The following NALF1 variants were observed in gnomAD, a reference collection of about 807,000 sequenced individuals.
NALF1 encodes family with sequence similarity 155 member A.
NALF1 carries 3 observed loss-of-function variants against 48.4 expected under a neutral mutation model. The ratio of observed to expected loss-of-function variants is 0.06; its 90% CI spans 0.03 to 0.16. The LOEUF (loss-of-function observed/expected upper bound fraction) is 0.16, where lower values mean the gene tolerates loss of function less well. Ranked by LOEUF, NALF1 falls within the 10% of genes least tolerant of loss-of-function variation. The pLI, the probability that NALF1 is intolerant of heterozygous loss-of-function variation, is 1.00. For missense variants in NALF1, 526 were observed against 571.5 expected (o/e 0.92, Z 0.81); for synonymous variants, 262 against 245.7 (o/e 1.07, Z -0.62).
chr13:107,464,282 T>A (rs1454642238), intron 1 of NALF1, among the ~76,000 whole-genome samples: 3 of 152,084 alleles, frequency 2.0e-5, no homozygotes, highest in African/African-American at 7.2e-5. Context: ...CAATAAAAGT[T>A]TGCTGTTACT....
chr13:107,364,440 A>G (rs1393373583), intron 1 of NALF1, among the ~76,000 whole-genome samples: 1 of 152,222 alleles, frequency 6.6e-6, no homozygotes, highest in Admixed American at 6.5e-5. Flanking sequence ...AAACACTGGC[A>G]GTGACATCGT....
chr13:107,304,970 A>G (rs1233492276), intron 1 of NALF1, among the ~76,000 whole-genome samples: 1 of 152,268 alleles, frequency 6.6e-6, no homozygotes, highest in East Asian at 1.9e-4. Context: ...AATGACAATA[A>G]CCAAATGAGG....
chr13:107,775,074 C>CT (rs1877686090), intron 1 of NALF1, among the ~76,000 whole-genome samples: 1 of 152,278 alleles, frequency 6.6e-6, no homozygotes, highest in East Asian at 1.9e-4. Flanking sequence ...TTTAATTATA[C>CT]TTTAAGTTTT....
At chr13:107,570,545 A>T (rs1301105355) in intron 1 of NALF1, among the ~76,000 whole-genome samples, 1 of 147,442 alleles carries the variant, frequency 6.8e-6, no homozygotes, top group Non-Finnish European at 1.5e-5. Flanking sequence ...CACGTGCTCC[A>T]TATTTATTTT....
chr13:107,592,887 C>G (rs968173794), intron 1 of NALF1, among the ~76,000 whole-genome samples: 7 of 151,856 alleles, frequency 4.6e-5, no homozygotes, highest in African/African-American at 1.7e-4. Flanking sequence ...CATCTATACA[C>G]ATTCTTTATT....
rs143322828 is a variant in NALF1, at chr13:107,187,785, C to T, written c.1088-16999G>A. On this transcript the variant is annotated intron_variant, in intron 2 of 2. Transcript: ENST00000375915. ...ATGGGAAGAATGGTTCCCATTTCCT[C>T]TGCTCTTTTTAGAGCTTACTCTGAA... Among the ~76,000 whole-genome samples the T allele has an allele frequency of 5.8e-4, 88 of 152,322 alleles. 1 individual carries two copies. Among genetic ancestry groups the T allele is most frequent in the African/African-American group, 1.9e-3 (80 of 41,572 alleles).
At chr13:107,608,265 G>A (rs1183564062) in intron 1 of NALF1, among the ~76,000 whole-genome samples, 2 of 152,134 alleles carry the variant, frequency 1.3e-5, no homozygotes, top group East Asian at 1.9e-4. Context: ...CCCAGGACAC[G>A]TGGAGAAGGC....
At chr13:107,823,581 G>A (rs1322159309) in intron 1 of NALF1, among the ~76,000 whole-genome samples, 2 of 148,104 alleles carry the variant, frequency 1.4e-5, no homozygotes, top group African/African-American at 5.1e-5. Context: ...TAACCCCCGT[G>A]GCCTCCGCTC....
At position 107,864,619 on chromosome 13, in the gene NALF1, C is replaced by T. The variant is rs1880660973; in HGVS notation, c.915+1063G>A. Among the ~76,000 whole-genome samples the T allele has an allele frequency of 3.9e-5, 6 of 152,092 alleles. No individual in the cohort carries two copies. In the South Asian group the frequency reaches 1.2e-3, roughly 32 times the overall value. ...GTTTATTGTGTTGTGTAAGAAATTA[C>T]CCTTGGAACAAAACATTAAGGCTTA... On this transcript the variant is annotated intron_variant, in intron 1 of 2. Transcript: ENST00000375915.
chr13:107,546,875 A>T (rs552301326), intron 1 of NALF1, among the ~76,000 whole-genome samples: 3 of 152,258 alleles, frequency 2.0e-5, no homozygotes, highest in Admixed American at 6.5e-5. Context: ...ATTTTATGGT[A>T]TTGGAGGAAA....
At chr13:107,546,308 G>A (rs1027256765) in intron 1 of NALF1, among the ~76,000 whole-genome samples, 5 of 152,158 alleles carry the variant, frequency 3.3e-5, no homozygotes, top group African/African-American at 1.2e-4. Flanking sequence ...CAAGGCAGGA[G>A]GAATCAATAC....
chr13:107,463,974 G>C (rs1474764153), intron 1 of NALF1, among the ~76,000 whole-genome samples: 1 of 152,120 alleles, frequency 6.6e-6, no homozygotes, highest in East Asian at 1.9e-4. Flanking sequence ...TATCAGAAAA[G>C]AGCTAAGAAT....
chr13:107,866,394 C>G lies in NALF1; in HGVS notation c.203G>C (p.Arg68Pro). 6.2e-7 allele frequency: 1 copy of G among 1,613,762 alleles called. No homozygotes were observed. Among genetic ancestry groups the G allele is most frequent in the Non-Finnish European group, 8.5e-7 (1 of 1,179,992 alleles). ...FCAEAKLTRA[R>P]DKEHQQQQRQ... ...CTGCTGCTGCTGGTGCTCCTTGTCC[C>G]GGGCCCGGGTCAGCTTGGCCTCGGC... The change falls in exon 1 of 3, where the codon CGG becomes CCG. Residue 68 changes from arginine (R) to proline (P), a missense_variant. Transcript: ENST00000375915. The surrounding 1 kb of genome is among the most constrained non-coding windows in gnomAD (Gnocchi z 4.4).
intron 1 of NALF1, among the ~76,000 whole-genome samples, chr13:107,343,343 T>G (rs1594129097): frequency 6.6e-6 from 1 of 152,166 alleles, no homozygotes; most frequent in East Asian, 1.9e-4. Flanking sequence ...AATCTCATCT[T>G]GAATTTTCAC....
Position 107,741,864 on chromosome 13 carries a change from CAG to C in NALF1, c.915+123816_915+123817del, listed in dbSNP as rs1455023604. 2.0e-5 allele frequency among the ~76,000 whole-genome samples: 3 copies of C among 152,150 alleles called. No homozygotes were observed. In the East Asian group the frequency reaches 5.8e-4, roughly 29 times the overall value. The stretch of plus-strand genomic sequence containing the variant: ...TAGTTTATCAATGAACAAGGAAAAA[CAG>C]AGCAAGTTTCCAGAAAGACATGGAC... On this transcript the variant is annotated intron_variant, in intron 1 of 2. Transcript: ENST00000375915.
intron 1 of NALF1, among the ~76,000 whole-genome samples, chr13:107,506,632 TA>T (rs1490067623): frequency 2.1e-4 from 32 of 152,190 alleles, no homozygotes; most frequent in African/African-American, 7.2e-4. Flanking sequence ...ATAACATGAC[TA>T]ATTATGGGTC....
At chr13:107,247,904 T>G (rs1880615515) in intron 1 of NALF1, among the ~76,000 whole-genome samples, 2 of 152,192 alleles carry the variant, frequency 1.3e-5, no homozygotes, top group African/African-American at 4.8e-5. Context: ...ATGCAGTGTC[T>G]GGAGAGGTCA....
intron 1 of NALF1, among the ~76,000 whole-genome samples, chr13:107,619,474 G>A (rs553533439): frequency 4.6e-5 from 7 of 152,254 alleles, no homozygotes; most frequent in South Asian, 4.1e-4. Flanking sequence ...CCTGGTAATC[G>A]GTGGGCATTT....
At chr13:107,825,889 T>C (rs1879499835) in intron 1 of NALF1, among the ~76,000 whole-genome samples, 2 of 152,218 alleles carry the variant, frequency 1.3e-5, no homozygotes, top group South Asian at 4.1e-4. Flanking sequence ...CAAGTGATTC[T>C]CCTGCCTCAG....
Sources: gnomAD v4.1 joint callset for allele counts (sites outside exome capture counted in the v4.1 genomes callset) on GRCh38, gnomAD v4.1.1 for gene constraint, Gnocchi (gnomAD v3.1) non-coding constraint, MANE v1.5 for transcripts, NCBI Gene and HGNC (gene_info 2026-07-23, HGNC 2026-07-21) for gene names.